The following DHRSX variants were observed in gnomAD, a reference collection of about 807,000 sequenced individuals.
DHRSX encodes the protein dehydrogenase/reductase X-linked.
DHRSX carries 31 observed loss-of-function variants against 34.0 expected under a neutral mutation model. That is an observed-to-expected ratio of 0.91 (90% CI 0.69 to 1.23). The LOEUF (loss-of-function observed/expected upper bound fraction) is 1.23. Ranked by LOEUF, DHRSX falls within the 50% of genes most tolerant of loss-of-function variation. The pLI is 0.00. For missense variants in DHRSX, 414 were observed against 428.1 expected (o/e 0.97, Z 0.29); for synonymous variants, 201 against 183.8 (o/e 1.09, Z -0.76).
rs376231662 is a variant in DHRSX, at chrX:2,257,985, G to C, written c.596+8755C>G. Among the ~76,000 whole-genome samples the C allele has an allele frequency of 4.1e-4, 62 of 152,246 alleles. No individual in the cohort carries two copies. In the East Asian group the frequency reaches 5.0e-3, roughly 12 times the overall value. The stretch of plus-strand genomic sequence containing the variant: ...AAATGAGGTCACTAGGGTAGGTACT[G>C]ATCCAATAGGACTGAGGTCCTTATA... On this transcript the variant is annotated intron_variant, in intron 5 of 6. Coordinates refer to ENST00000334651, the MANE Select transcript of DHRSX (RefSeq NM_145177.3).
At chrX:2,480,597 C>G (rs945924232) in intron 1 of DHRSX, among the ~76,000 whole-genome samples, 3 of 151,798 alleles carry the variant, frequency 2.0e-5, no homozygotes, top group African/African-American at 7.3e-5. Context: ...GCAGGAGGAT[C>G]GCTTCAGCCC....
At chrX:2,240,676 C>T (rs2016120373) in intron 6 of DHRSX, among the ~76,000 whole-genome samples, 1 of 151,946 alleles carries the variant, frequency 6.6e-6, no homozygotes, top group African/African-American at 2.4e-5. Flanking sequence ...TCAACCCATG[C>T]GGTTTTGAAG....
intron 1 of DHRSX, among the ~76,000 whole-genome samples, chrX:2,465,080 T>C (rs1174738126): frequency 4.0e-5 from 6 of 151,836 alleles, no homozygotes; most frequent in Non-Finnish European, 7.4e-5. Context: ...GGGACCTCAC[T>C]GAAGACGTTC....
intron 3 of DHRSX, among the ~76,000 whole-genome samples, chrX:2,298,713 C>T (rs1374580380): frequency 3.3e-5 from 5 of 151,552 alleles, no homozygotes; most frequent in Admixed American, 3.3e-4. Flanking sequence ...GGGCCGGGCG[C>T]GGCAGCTCAC....
At chrX:2,423,834 G>C (rs2043810584) in intron 2 of DHRSX, among the ~76,000 whole-genome samples, 1 of 152,076 alleles carries the variant, frequency 6.6e-6, no homozygotes, top group South Asian at 2.1e-4. Context: ...AGGTCACAGA[G>C]GAAGAGGAGT....
intron 3 of DHRSX, among the ~76,000 whole-genome samples, chrX:2,333,710 G>T (rs1241378462): frequency 6.6e-6 from 1 of 152,044 alleles, no homozygotes; most frequent in Admixed American, 6.6e-5. Flanking sequence ...ACTGCGCCCG[G>T]CCAATAGGCA....
At chrX:2,375,821 C>T (rs777897000) in intron 3 of DHRSX, among the ~76,000 whole-genome samples, 11 of 136,246 alleles carry the variant, frequency 8.1e-5, no homozygotes, top group South Asian at 2.3e-4. Flanking sequence ...TTAGTAGAGA[C>T]GGGGTTTCAC....
At position 2,444,800 on chromosome X, in the gene DHRSX, A is replaced by G. The variant is rs2044107094; in HGVS notation, c.110-19496T>C. On this transcript the variant is annotated intron_variant, in intron 1 of 6. Transcript: ENST00000334651. The stretch of plus-strand genomic sequence containing the variant: ...CAGTGAGCCATGATCATGCCACTGC[A>G]CTCTAGCCTGTGGGACACAGCAAGA... Among the ~76,000 whole-genome samples the G allele has an allele frequency of 2.0e-5, 3 of 151,738 alleles. No homozygotes were observed. In the South Asian group the frequency reaches 6.2e-4, roughly 31 times the overall value.
In DHRSX at chrX:2,220,989, A is replaced by G; in HGVS notation, c.*52T>C. The G allele has an allele frequency of 1.9e-6, 3 of 1,572,442 alleles. No homozygotes were observed. The highest frequency in any genetic ancestry group is 2.6e-6 in the Non-Finnish European group (3 of 1,150,400). The stretch of plus-strand genomic sequence containing the variant: ...CGCAGTCTTCACAGACCCACAAGCT[A>G]TTGGCAGGTGCAATGTGTTTCTTGG... On this transcript the variant is annotated 3_prime_UTR_variant, in exon 7 of 7. Transcript: ENST00000334651.
intron 1 of DHRSX, among the ~76,000 whole-genome samples, chrX:2,479,817 C>T (rs1419970899): frequency 1.3e-5 from 2 of 152,068 alleles, no homozygotes; most frequent in Non-Finnish European, 2.9e-5. Flanking sequence ...GGGACTGCCA[C>T]CGTGTACACA....
chrX:2,283,705 C>T (rs1430478365), intron 4 of DHRSX, among the ~76,000 whole-genome samples: 1 of 152,216 alleles, frequency 6.6e-6, no homozygotes. Flanking sequence ...TGTAGGTGCC[C>T]TGTGCCCATT....
chrX:2,459,228 A>T (rs1179728626), intron 1 of DHRSX, among the ~76,000 whole-genome samples: 1 of 152,044 alleles, frequency 6.6e-6, no homozygotes, highest in Non-Finnish European at 1.5e-5. Context: ...GATTATAGTT[A>T]ATAATAATAC....
intron 3 of DHRSX, among the ~76,000 whole-genome samples, chrX:2,356,070 A>AG (rs2042847957): frequency 1.3e-5 from 2 of 151,480 alleles, no homozygotes; most frequent in Admixed American, 1.3e-4. Context: ...CCGTCTCAAA[A>AG]AAAAAAAAAA....
intron 3 of DHRSX, among the ~76,000 whole-genome samples, chrX:2,293,821 TG>T (rs2041896030): frequency 6.6e-6 from 1 of 151,780 alleles, no homozygotes; most frequent in Admixed American, 6.6e-5. Flanking sequence ...GTGTGTGTGG[TG>T]GGGGGAGGGG....
At chrX:2,304,590 A>C (rs1283943310) in intron 3 of DHRSX, among the ~76,000 whole-genome samples, 1 of 151,836 alleles carries the variant, frequency 6.6e-6, no homozygotes, top group Non-Finnish European at 1.5e-5. Context: ...AGTGTGTAGC[A>C]TCTCCCCAGC....
chrX:2,325,931 G>A (rs2042380728), intron 3 of DHRSX, among the ~76,000 whole-genome samples: 1 of 152,046 alleles, frequency 6.6e-6, no homozygotes, highest in African/African-American at 2.4e-5. Flanking sequence ...GCCCAATGAC[G>A]AACCCCAGGG....
chrX:2,457,782 C>A (rs909720633), intron 1 of DHRSX, among the ~76,000 whole-genome samples: 1 of 147,410 alleles, frequency 6.8e-6, no homozygotes, highest in African/African-American at 2.5e-5. Context: ...AAGCATGTGG[C>A]CCAAGGGACA....
At chrX:2,355,102 T>C (rs1271005584) in intron 3 of DHRSX, among the ~76,000 whole-genome samples, 2 of 151,768 alleles carry the variant, frequency 1.3e-5, no homozygotes, top group South Asian at 2.1e-4. Flanking sequence ...TAGCAAGAAA[T>C]AGGTTGGAAG....
At chrX:2,259,383 T>G (rs868332528) in intron 5 of DHRSX, among the ~76,000 whole-genome samples, 7,841 of 73,650 alleles carry the variant, frequency 0.11, 336 homozygotes, top group Admixed American at 0.18. Context: ...TAGATATATA[T>G]ATAGATATAT....
Sources: gnomAD v4.1 joint callset for allele counts (sites outside exome capture counted in the v4.1 genomes callset) on GRCh38, gnomAD v4.1.1 for gene constraint, MANE v1.5 for transcripts, NCBI Gene and HGNC (gene_info 2026-07-23, HGNC 2026-07-21) for gene names.